IPO13: variants seen among roughly 807,000 people sequenced by gnomAD.
The protein encoded by IPO13 is importin-13.
Under a neutral mutation model 115.5 loss-of-function variants are expected in IPO13, and 28 were observed. The ratio of observed to expected loss-of-function variants is 0.24; its 90% CI spans 0.18 to 0.33. The LOEUF (loss-of-function observed/expected upper bound fraction) is 0.33. Among genes scored for constraint, IPO13 ranks in the 10% least tolerant of loss-of-function variants. The probability of loss-of-function intolerance (pLI) is 1.00; values close to 1 mark genes in which losing one functional copy is unlikely to be tolerated. For missense variants in IPO13, 785 were observed against 1,204.6 expected (o/e 0.65, Z 5.16); for synonymous variants, 414 against 478.9 (o/e 0.86, Z 1.77).
rs1201165004 is a variant in IPO13 at position 43,966,918 on chromosome 1, C to A, written c.2524-12C>A. The A allele has an allele frequency of 1.9e-6, 3 of 1,613,538 alleles. No individual in the cohort carries two copies. On this transcript the variant is annotated splice_polypyrimidine_tract_variant and intron_variant, in intron 17 of 19. Transcript: ENST00000372343. The surrounding 1 kb of genome is among the most constrained non-coding windows in gnomAD (Gnocchi z 4.1). ...AAGGAGCTGGGCTGATGGGCCTCTC[C>A]ATCCTCTGCAGACAGAGCTGCTGCC...
intron 13 of IPO13, 76 bp from the exon 14 acceptor site, chr1:43,961,090 A>C (rs1571770034): frequency 6.2e-7 from 1 of 1,608,984 alleles, no homozygotes; most frequent in South Asian, 1.1e-5. Context: ...TGGGGTCCCC[A>C]CTTGCATTCC....
In IPO13 at chr1:43,956,536, A is replaced by G; in HGVS notation, c.963-24A>G. Reference sequence around the variant, plus strand: ...GGGTTCTGGAAGTCCCTGGAAAGGTAGAATGACCTGACTCTCTCCCCAGGG... The same window carrying G: ...GGGTTCTGGAAGTCCCTGGAAAGGTGGAATGACCTGACTCTCTCCCCAGGG... On this transcript the variant is annotated intron_variant, in intron 3 of 19. Coordinates refer to ENST00000372343, the MANE Select transcript of IPO13 (RefSeq NM_014652.4). The surrounding 1 kb of genome is among the most constrained non-coding windows in gnomAD (Gnocchi z 4.7). 6.2e-7 allele frequency: 1 copy of G among 1,614,140 alleles called. No homozygotes were observed. Among genetic ancestry groups the G allele is most frequent in the Non-Finnish European group, 8.5e-7 (1 of 1,179,998 alleles).
rs779873388 is a variant in IPO13 at position 43,950,169 on chromosome 1, C to G, written c.821+16C>G. The G allele has an allele frequency of 1.3e-6, 2 of 1,584,842 alleles. No individual in the cohort carries two copies. The highest frequency in any genetic ancestry group is 4.5e-5 in the East Asian group (2 of 44,456). Reference sequence around the variant, plus strand: ...ATGCCCAGAGGTGAGCTAGTACCCACTCACCCAGAAGACAACCTCTTTGGC... The same window carrying G: ...ATGCCCAGAGGTGAGCTAGTACCCAGTCACCCAGAAGACAACCTCTTTGGC... On this transcript the variant is annotated intron_variant, in intron 2 of 19. Coordinates refer to ENST00000372343, the MANE Select transcript of IPO13 (RefSeq NM_014652.4).
In IPO13 at chr1:43,966,461, T is replaced by G; in HGVS notation, c.2398-114T>G. On this transcript the variant is annotated intron_variant, in intron 15 of 19. Coordinates refer to ENST00000372343, the MANE Select transcript of IPO13 (RefSeq NM_014652.4). This position sits in a 1 kb window ranked among gnomAD's most constrained non-coding sequence, Gnocchi z 4.1. ...CCCCCAGAGATGGCTGGGTAGCTGGTTTTGGCAGCCTCTACCTGTGAGGTG... is the reference window on the plus strand; with the variant it reads ...CCCCCAGAGATGGCTGGGTAGCTGGGTTTGGCAGCCTCTACCTGTGAGGTG... 1.1e-5 allele frequency: 12 copies of G among 1,076,384 alleles called. No individual in the cohort carries two copies. Among genetic ancestry groups the G allele is most frequent in the African/African-American group, 1.5e-5 (1 of 64,658 alleles). The allele number at this position is 1,076,384 out of a possible 1,614,324, so 66.7% of individuals were successfully genotyped here. A position where few individuals can be genotyped will look rare whatever the true frequency, so the allele number is the denominator to read the frequency against.
chr1:43,949,801 G>A lies in IPO13; in HGVS notation c.469G>A (p.Val157Met), dbSNP rs2085193718. Residue 157 changes from valine (V) to methionine (M), a missense_variant, in exon 2 of 20, where the codon GTG becomes ATG. Physicochemically the swap from Val to Met is conservative, Grantham distance 21. This residue lies in a region of IPO13 where 325 missense variants were observed against 449.8 expected (regional missense o/e 0.72). Transcript: ENST00000372343. ...ACTCTTCCAGGCTGAGGACTCACCAGTGGATGGGCAGGGCCGCTGCCTAGC... is the reference window on the plus strand; with the variant it reads ...ACTCTTCCAGGCTGAGGACTCACCAATGGATGGGCAGGGCCGCTGCCTAGC... ...VRLFQAEDSP[V>M]DGQGRCLALL... 6.2e-7 allele frequency: 1 copy of A among 1,614,118 alleles called. No individual in the cohort carries two copies. The highest frequency in any genetic ancestry group is 8.5e-7 in the Non-Finnish European group (1 of 1,180,022).
Position 43,958,909 on chromosome 1 carries a change from G to A in IPO13, c.2028+20G>A, listed in dbSNP as rs760570730. ...AACCCCGTGGGTGACATTTGCCCAC[G>A]GCAAAGACATTTGTCTTTGCCATCC... On this transcript the variant is annotated intron_variant, in intron 11 of 19. Transcript: ENST00000372343. This position sits in a 1 kb window ranked among gnomAD's most constrained non-coding sequence, Gnocchi z 6.3. 32 of 1,610,406 alleles carry A rather than the reference G, an allele frequency of 2.0e-5. No individual in the cohort carries two copies. Among genetic ancestry groups the A allele is most frequent in the East Asian group, 4.5e-5 (2 of 44,796 alleles).
chr1:43,960,518 G>A (rs1025936093), intron 12 of IPO13, among the ~76,000 whole-genome samples, 189 bp downstream of exon 12: 3 of 152,226 alleles, frequency 2.0e-5, no homozygotes, highest in Non-Finnish European at 4.4e-5. Context: ...AGTGCTTAAC[G>A]TAAGGACTCT....
chr1:43,957,174 A>C, intron 5 of IPO13, 21 bp from the exon 6 acceptor site: 2 of 1,611,660 alleles, frequency 1.2e-6, no homozygotes. Flanking sequence ...GCAGTATAAA[A>C]GGCCTTCATC....
intron 7 of IPO13, 21 bp downstream of exon 7, chr1:43,957,570 A>G: frequency 6.2e-7 from 1 of 1,613,516 alleles, no homozygotes; most frequent in Non-Finnish European, 8.5e-7. Flanking sequence ...GCACACACCC[A>G]TGACCATATT....
Position 43,956,566 on chromosome 1 carries a change from G to C in IPO13, c.969G>C (p.Leu323Phe). ...VALGENHSRA[L>F]LDQVEHWQSF... ...GACCTGACTCTCTCCCCAGGGCCTT[G>C]CTGGACCAAGTAGAGCACTGGCAGA... The change falls in exon 4 of 20, where the codon TTG (leucine) becomes TTC (phenylalanine). Residue 323 changes from leucine (L) to phenylalanine (F), a missense_variant. Physicochemically the swap from Leu to Phe is conservative, Grantham distance 22 (BLOSUM62 0). This residue lies in a region of IPO13 where 325 missense variants were observed against 449.8 expected (regional missense o/e 0.72). Transcript: ENST00000372343. This position sits in a 1 kb window ranked among gnomAD's most constrained non-coding sequence, Gnocchi z 4.7. 1 of 1,614,230 alleles carries C rather than the reference G, an allele frequency of 6.2e-7. No individual in the cohort carries two copies. Among genetic ancestry groups the C allele is most frequent in the Non-Finnish European group, 8.5e-7 (1 of 1,180,042 alleles).
intron 14 of IPO13, 33 bp downstream of exon 14, chr1:43,961,295 C>T (rs1308940998): frequency 1.3e-6 from 2 of 1,512,308 alleles, no homozygotes; most frequent in East Asian, 4.5e-5. Context: ...GCTGCTGCTG[C>T]CACTGCCACT....
intron 7 of IPO13, 144 bp downstream of exon 7, chr1:43,957,693 C>T: frequency 9.2e-7 from 1 of 1,091,532 alleles, no homozygotes; most frequent in Non-Finnish European, 1.3e-6. Flanking sequence ...ACTGTCCTGG[C>T]AGGTCTAGGG....
At chr1:43,962,605 G>A (rs753341658) in intron 14 of IPO13, among the ~76,000 whole-genome samples, 4 of 152,044 alleles carry the variant, frequency 2.6e-5, no homozygotes, top group Non-Finnish European at 2.9e-5. Context: ...CTTCCTTACC[G>A]TGTCCCATTT....
At chr1:43,957,894 A>G in intron 7 of IPO13, 83 bp from the exon 8 acceptor site, 2 of 1,356,412 alleles carry the variant, frequency 1.5e-6, no homozygotes, top group Non-Finnish European at 1.0e-6. Context: ...TGACCCTGCC[A>G]GGAACTCTGC....
intron 5 of IPO13, 75 bp from the exon 6 acceptor site, chr1:43,957,120 G>A (rs1436176494): frequency 1.5e-5 from 23 of 1,581,934 alleles, no homozygotes; most frequent in Non-Finnish European, 2.0e-5. Flanking sequence ...GGGTACTGGG[G>A]TAGGCTCCTG....
chr1:43,951,339 A>C (rs957872150), intron 2 of IPO13, among the ~76,000 whole-genome samples: 4 of 152,212 alleles, frequency 2.6e-5, no homozygotes, highest in Non-Finnish European at 5.9e-5. Context: ...AGGGGCCTTG[A>C]AGAACCCAGA....
Position 43,952,142 on chromosome 1 carries a change from A to G in IPO13, c.821+1989A>G, listed in dbSNP as rs16831479. On this transcript the variant is annotated intron_variant, in intron 2 of 19. Transcript: ENST00000372343. The surrounding 1 kb of genome is among the most constrained non-coding windows in gnomAD (Gnocchi z 4.7). ...AACTGTGTGTATATGTTCTACCTTT[A>G]TACTTTATGTGATCAGTTAATGGTA... Among the ~76,000 whole-genome samples the G allele has an allele frequency of 4.3e-3, 661 of 152,290 alleles. 10 individuals are homozygous for G. The highest frequency in any genetic ancestry group is 0.016 in the African/African-American group (646 of 41,546).
chr1:43,966,900 T>C lies in IPO13; in HGVS notation c.2524-30T>C, dbSNP rs1205035447. 4 of 1,610,706 alleles carry C rather than the reference T, an allele frequency of 2.5e-6. No individual in the cohort carries two copies. In the South Asian group the frequency reaches 4.4e-5, roughly 18 times the overall value. On this transcript the variant is annotated intron_variant, in intron 17 of 19. Coordinates refer to ENST00000372343, the MANE Select transcript of IPO13 (RefSeq NM_014652.4). This position sits in a 1 kb window ranked among gnomAD's most constrained non-coding sequence, Gnocchi z 4.1. ...TCCTCAGGGAGAGCTGGGAAGGAGC[T>C]GGGCTGATGGGCCTCTCCATCCTCT...
In IPO13 at chr1:43,960,911, G is replaced by A. The variant is rs371057135; in HGVS notation, c.2145G>A (p.Thr715=). Residue 715 remains threonine, a synonymous_variant, in exon 13 of 20, where the codon ACG becomes ACA. Coordinates refer to ENST00000372343, the MANE Select transcript of IPO13 (RefSeq NM_014652.4). ...CTATCTTTGAGAAGTCTGTTAAGAC[G>A]CTGCTGGATGACTTTGCCCCCATGG... ...VCAIFEKSVK[T]LLDDFAPMVP... 11 of 1,614,206 alleles carry A rather than the reference G, an allele frequency of 6.8e-6. No homozygotes were observed. Among genetic ancestry groups the A allele is most frequent in the South Asian group, 2.2e-5 (2 of 91,090 alleles).
Sources: allele counts gnomAD v4.1 joint callset (sites outside exome capture counted in the v4.1 genomes callset), GRCh38; gene constraint gnomAD v4.1.1; regional missense constraint gnomAD v4.1.1; non-coding constraint Gnocchi (gnomAD v3.1); transcripts MANE v1.5; gene names NCBI Gene and HGNC (gene_info 2026-07-23, HGNC 2026-07-21).